CENPP: variants seen among roughly 807,000 people sequenced by gnomAD.
CENPP encodes the protein centromere protein P.
A neutral mutation model predicts 35.6 loss-of-function variants in CENPP; 24 were observed. The observed-to-expected ratio is 0.67, with a 90% confidence interval of 0.49 to 0.95. CENPP has a LOEUF of 0.95. Ranked by LOEUF, CENPP falls within the 40% of genes least tolerant of loss-of-function variation. The pLI is 0.00. For missense variants in CENPP, 332 were observed against 345.3 expected (o/e 0.96, Z 0.31); for synonymous variants, 120 against 125.5 (o/e 0.96, Z 0.29).
intron 5 of CENPP, among the ~76,000 whole-genome samples, chr9:92,564,245 C>T (rs1265522413): frequency 6.6e-6 from 1 of 151,918 alleles, no homozygotes; most frequent in African/African-American, 2.4e-5. Flanking sequence ...AAAATTTAGC[C>T]AGGTGTGATG....
In CENPP at chr9:92,345,770, A is replaced by T. The variant is rs1841276245; in HGVS notation, c.450A>T (p.Leu150Phe). 1 of 1,600,060 alleles carries T rather than the reference A, an allele frequency of 6.2e-7. No homozygotes were observed. The highest frequency in any genetic ancestry group is 1.1e-5 in the South Asian group (1 of 90,186). ...TGGAGCCCACAGAATGCTCAGAATT[A>T]AGTGAATTTGTGTCTAGGTAAGCTA... ...IIMEPTECSE[L>F]SEFVSRAEER... Residue 150 changes from leucine to phenylalanine, a missense_variant, in exon 4 of 8, where the codon TTA becomes TTT. Transcript: ENST00000375587.
At chr9:92,403,513 A>G (rs1843204981) in intron 5 of CENPP, 3 of 1,461,868 alleles carry the variant, frequency 2.1e-6, no homozygotes, top group Admixed American at 5.3e-5. Context: ...CATCGAAGCA[A>G]TATTTAAAAG....
At chr9:92,339,645 G>A (rs972949779) in intron 3 of CENPP, 1 of 153,064 alleles carries the variant, frequency 6.5e-6, no homozygotes, top group African/African-American at 2.4e-5. Flanking sequence ...AGGGGCATGG[G>A]TGGTAAGTGG....
At chr9:92,576,826 A>C (rs1850293960) in intron 5 of CENPP, among the ~76,000 whole-genome samples, 1 of 152,198 alleles carries the variant, frequency 6.6e-6, no homozygotes. Context: ...GAAACAGTAA[A>C]TAAGTAGTAT....
At chr9:92,608,923 T>C (rs956369936) in intron 5 of CENPP, among the ~76,000 whole-genome samples, 1 of 152,242 alleles carries the variant, frequency 6.6e-6, no homozygotes, top group Non-Finnish European at 1.5e-5. Context: ...CCCTTGTGCT[T>C]GGAGGCTGAA....
At chr9:92,389,573 T>A (rs1375496879) in intron 5 of CENPP, 1 of 238,862 alleles carries the variant, frequency 4.2e-6, no homozygotes, top group East Asian at 9.1e-5. Context: ...GGGCCAACCA[T>A]GTCTGTCTAA....
intron 3 of CENPP, among the ~76,000 whole-genome samples, chr9:92,342,414 C>T (rs1202264272): frequency 6.6e-6 from 1 of 152,190 alleles, no homozygotes; most frequent in African/African-American, 2.4e-5. Flanking sequence ...GGACATAGAA[C>T]CTAGTAATTG....
At chr9:92,522,880 C>T in intron 5 of CENPP, 1 of 1,580,956 alleles carries the variant, frequency 6.3e-7, no homozygotes, top group Non-Finnish European at 8.6e-7. Context: ...TGATTTTTTT[C>T]CACCAGCCAA....
intron 5 of CENPP, chr9:92,502,400 C>G: frequency 7.7e-7 from 1 of 1,306,672 alleles, no homozygotes; most frequent in Non-Finnish European, 1.1e-6. Flanking sequence ...GTCTCCGAGC[C>G]CTTCAGTATC....
intron 5 of CENPP, among the ~76,000 whole-genome samples, chr9:92,533,777 GTT>G (rs1364858282): frequency 6.6e-6 from 1 of 152,034 alleles, no homozygotes; most frequent in African/African-American, 2.4e-5. Flanking sequence ...CAGAATTACG[GTT>G]TCAAAATCAT....
Position 92,552,018 on chromosome 9 carries a change from TGATA to T in CENPP, c.565-59292_565-59289del, listed in dbSNP as rs533401079. On this transcript the variant is annotated intron_variant, in intron 5 of 7. Coordinates refer to ENST00000375587, the MANE Select transcript of CENPP (RefSeq NM_001012267.3). ...GATATATATGTGTATATATATGATA[TGATA>T]GATCTATCATATATGTGATATTATA... Among the ~76,000 whole-genome samples the T allele has an allele frequency of 5.4e-3, 766 of 142,796 alleles. 99 individuals carry two copies. Among genetic ancestry groups the T allele is most frequent in the African/African-American group, 0.017 (650 of 37,826 alleles). The allele number at this position is 142,796 out of a possible 152,430, so 93.7% of individuals were successfully genotyped here. A position where few individuals can be genotyped will look rare whatever the true frequency, so the allele number is the denominator to read the frequency against.
At chr9:92,494,736 A>G (rs11795122) in intron 5 of CENPP, among the ~76,000 whole-genome samples, 70,789 of 151,712 alleles carry the variant, frequency 0.47, 19,577 homozygotes, top group African/African-American at 0.77. Context: ...GTAAAACCCC[A>G]TCTCTATTAA....
At chr9:92,355,722 A>G (rs765438179) in intron 4 of CENPP, among the ~76,000 whole-genome samples, 7 of 152,248 alleles carry the variant, frequency 4.6e-5, no homozygotes, top group Non-Finnish European at 1.0e-4. Context: ...TTTCATATGC[A>G]TAAATTCTCA....
At chr9:92,555,831 A>G (rs1295350469) in intron 5 of CENPP, among the ~76,000 whole-genome samples, 1 of 152,132 alleles carries the variant, frequency 6.6e-6, no homozygotes, top group Admixed American at 6.5e-5. Flanking sequence ...TTATCTTTTC[A>G]AAGAAGCAGA....
At chr9:92,474,147 T>C (rs970872233) in intron 5 of CENPP, among the ~76,000 whole-genome samples, 1 of 152,250 alleles carries the variant, frequency 6.6e-6, no homozygotes, top group African/African-American at 2.4e-5. Flanking sequence ...ACTTTTTTCT[T>C]AGGCAGTTTT....
intron 5 of CENPP, chr9:92,417,511 G>A: frequency 6.2e-7 from 1 of 1,608,606 alleles, no homozygotes; most frequent in East Asian, 2.2e-5. Context: ...AATGTACTTT[G>A]ACTCCAAAAA....
At chr9:92,434,799 T>C (rs1302435502) in intron 5 of CENPP, among the ~76,000 whole-genome samples, 4 of 152,130 alleles carry the variant, frequency 2.6e-5, no homozygotes, top group Non-Finnish European at 5.9e-5. Flanking sequence ...TCCCAGCACT[T>C]TGGGAGCCTG....
intron 5 of CENPP, among the ~76,000 whole-genome samples, chr9:92,404,088 G>T (rs577326027): frequency 6.6e-6 from 1 of 152,142 alleles, no homozygotes; most frequent in African/African-American, 2.4e-5. Flanking sequence ...TTGCAGGCTA[G>T]AGGAAATACC....
intron 5 of CENPP, among the ~76,000 whole-genome samples, chr9:92,547,955 C>G (rs763523039): frequency 1.3e-5 from 2 of 151,818 alleles, no homozygotes; most frequent in Non-Finnish European, 1.5e-5. Flanking sequence ...CCTTCATTTT[C>G]TTATGGGAAA....
Sources: gnomAD v4.1 joint callset for allele counts (sites outside exome capture counted in the v4.1 genomes callset) on GRCh38, gnomAD v4.1.1 for gene constraint, MANE v1.5 for transcripts, NCBI Gene and HGNC (gene_info 2026-07-23, HGNC 2026-07-21) for gene names.